The following PRR15 variants were observed in gnomAD, a reference collection of about 807,000 sequenced individuals.
The protein encoded by PRR15 is proline-rich protein 15.
A neutral mutation model predicts 3.0 loss-of-function variants in PRR15; 4 were observed. The ratio of observed to expected loss-of-function variants is 1.34; its 90% confidence interval spans 0.66 to 3.08. The LOEUF (loss-of-function observed/expected upper bound fraction) is 3.08. Ranked by LOEUF, PRR15 falls within the 30% of genes most tolerant of loss-of-function variation. PRR15 has a pLI of 0.01. For synonymous variants in PRR15, 82 were observed against 79.8 expected, an observed-to-expected ratio of 1.03 and a Z score of -0.14; for missense variants, 200 against 179.5, an observed-to-expected ratio of 1.11 and a Z score of -0.65.
intron 1 of PRR15, 79 bp from the exon 2 acceptor site, chr7:29,566,106 A>G: frequency 6.7e-6 from 4 of 593,902 alleles, no homozygotes; most frequent in Non-Finnish European, 5.8e-6. Flanking sequence ...GGTGCCAGAC[A>G]GCATAAGGGA....
chr7:29,566,517 A>G lies in PRR15; in HGVS notation c.188A>G (p.Asn63Ser), dbSNP rs773836181. 1.9e-6 allele frequency: 3 copies of G among 1,604,212 alleles called. No individual in the cohort carries two copies. The highest frequency in any genetic ancestry group is 2.3e-5 in the East Asian group (1 of 44,368). Residue 63 changes from asparagine to serine, a missense_variant, in exon 2 of 2, where the codon AAT becomes AGT. Coordinates refer to ENST00000319694, the MANE Select transcript of PRR15 (RefSeq NM_175887.3). ...AGCTCCCGGGAGAACCAGCACCCCAATCTCCTCGGGGGCGCCGGCGAGCCC... is the reference window on the plus strand; with the variant it reads ...AGCTCCCGGGAGAACCAGCACCCCAGTCTCCTCGGGGGCGCCGGCGAGCCC... Reference protein sequence around the residue: ...TSSSRENQHPNLLGGAGEPPK... With the variant: ...TSSSRENQHPSLLGGAGEPPK...
rs1436464675 is a variant in PRR15, at chr7:29,567,162, G to GT, written c.*444dup. On this transcript the variant is annotated 3_prime_UTR_variant, in exon 2 of 2. Coordinates refer to ENST00000319694, the MANE Select transcript of PRR15 (RefSeq NM_175887.3). The stretch of plus-strand genomic sequence containing the variant: ...CTTTAGGGGTAGACTTATACCTTAA[G>GT]TGAAGGAGTGGGGGAGGAAGAAGCA... 2 of 172,858 alleles carry GT rather than the reference G, an allele frequency of 1.2e-5. No homozygotes were observed. Among genetic ancestry groups the GT allele is most frequent in the Non-Finnish European group, 2.8e-5 (2 of 72,386 alleles). The allele number at this position is 172,858 out of a possible 1,614,324, so 10.7% of individuals were successfully genotyped here.
In PRR15 at chr7:29,566,605, G is replaced by A. The variant is rs759840411; in HGVS notation, c.276G>A (p.Ser92=). The change falls in exon 2 of 2, where the codon TCG becomes TCA. Residue 92 remains serine, a synonymous_variant. Coordinates refer to ENST00000319694, the MANE Select transcript of PRR15 (RefSeq NM_175887.3). The part of the protein sequence containing the change: ...SGSSRRNLKI[S]RSGRFKEKRK... ...GCAGCCGCCGCAATTTGAAGATCTCGCGCTCCGGCCGCTTTAAGGAGAAGA... is the reference window on the plus strand; with the variant it reads ...GCAGCCGCCGCAATTTGAAGATCTCACGCTCCGGCCGCTTTAAGGAGAAGA... 4 of 1,606,498 alleles carry A rather than the reference G, an allele frequency of 2.5e-6. No individual in the cohort carries two copies. In the African/African-American group the frequency reaches 5.4e-5, roughly 22 times the overall value.
At position 29,564,371 on chromosome 7, in the gene PRR15, C is replaced by G. The variant is rs1039233333; in HGVS notation, c.-152C>G. The G allele has an allele frequency of 2.6e-5, 4 of 152,224 alleles. No homozygotes were observed. The highest frequency in any genetic ancestry group is 4.4e-5 in the Non-Finnish European group (3 of 68,116). The allele number at this position is 152,224 out of a possible 1,614,324, so 9.4% of individuals were successfully genotyped here. A position where few individuals can be genotyped will look rare whatever the true frequency, so the allele number is the denominator to read the frequency against. ...CGAGGCCTCCGGGTCCTGTTAAGCC[C>G]GAGCAGGTGAGCGACTGGGGGTGGT... is the stretch of plus-strand genomic sequence containing the variant. On this transcript the variant is annotated 5_prime_UTR_variant, in exon 1 of 2. Transcript: ENST00000319694.
intron 1 of PRR15, among the ~76,000 whole-genome samples, chr7:29,564,772 T>C (rs181650821): frequency 6.6e-6 from 1 of 152,264 alleles, no homozygotes; most frequent in African/African-American, 2.4e-5. Context: ...TGGGTGCCTT[T>C]TGTACCGAAA....
rs1294540663 is a variant in PRR15 at position 29,566,752 on chromosome 7, C to A, written c.*33C>A. ...AGCCTGCGCGCTCCAGGACTGCCTA[C>A]CCAGCACTACCCCAAACCCCCAGTT... On this transcript the variant is annotated 3_prime_UTR_variant, in exon 2 of 2. Transcript: ENST00000319694. 2 of 1,498,970 alleles carry A rather than the reference C, an allele frequency of 1.3e-6. No homozygotes were observed. The highest frequency in any genetic ancestry group is 8.9e-7 in the Non-Finnish European group (1 of 1,119,250). The allele number at this position is 1,498,970 out of a possible 1,614,324, so 92.9% of individuals were successfully genotyped here.
Position 29,566,492 on chromosome 7 carries a change from A to T in PRR15, c.163A>T (p.Ser55Cys), listed in dbSNP as rs1475976502. 1 of 1,599,210 alleles carries T rather than the reference A, an allele frequency of 6.3e-7. No individual in the cohort carries two copies. The highest frequency in any genetic ancestry group is 8.5e-7 in the Non-Finnish European group (1 of 1,173,142). Reference protein sequence around the residue: ...PAPPSPDWTSSSRENQHPNLL... With the variant: ...PAPPSPDWTSCSRENQHPNLL... The stretch of plus-strand genomic sequence containing the variant: ...GCCGCCCAGCCCGGACTGGACCAGC[A>T]GCTCCCGGGAGAACCAGCACCCCAA... Residue 55 changes from serine (S) to cysteine (C), a missense_variant, in exon 2 of 2, where the codon AGC (serine) becomes TGC (cysteine). Transcript: ENST00000319694.
rs1045351974 is a variant in PRR15 at position 29,564,025 on chromosome 7, G to T, written c.-498G>T. 2.6e-5 allele frequency: 4 copies of T among 152,196 alleles called. No homozygotes were observed. Among genetic ancestry groups the T allele is most frequent in the Non-Finnish European group, 5.9e-5 (4 of 68,078 alleles). 9.4% of individuals were successfully genotyped at this position (152,196 alleles called of 1,614,324 possible). ...GGCGGTGCTAGCAGGGAAGAGGGAC[G>T]CGCCGGCGAATGAAACACTACTAGC... On this transcript the variant is annotated 5_prime_UTR_variant, in exon 1 of 2. Transcript: ENST00000319694.
Position 29,566,484 on chromosome 7 carries a change from G to A in PRR15, c.155G>A (p.Trp52Ter), listed in dbSNP as rs967212591. The A allele has an allele frequency of 1.3e-6, 2 of 1,599,476 alleles. No homozygotes were observed. Among genetic ancestry groups the A allele is most frequent in the African/African-American group, 2.7e-5 (2 of 74,430 alleles). ...PTPPAPPSPD[W>*]TSSSRENQHP... ...CCACCTGCGCCGCCCAGCCCGGACT[G>A]GACCAGCAGCTCCCGGGAGAACCAG... Residue 52 changes from tryptophan to a stop codon, truncating the protein, a stop_gained, in exon 2 of 2, where the codon TGG (tryptophan) becomes TAG (stop). Transcript: ENST00000319694. LOFTEE classifies it high-confidence loss of function.
Position 29,566,980 on chromosome 7 carries a change from TA to T in PRR15, c.*262del, listed in dbSNP as rs755218126. 3.6e-4 allele frequency: 107 copies of T among 295,434 alleles called. No individual in the cohort carries two copies. The highest frequency in any genetic ancestry group is 4.3e-4 in the Admixed American group (5 of 11,674). The allele number at this position is 295,434 out of a possible 1,614,324, so 18.3% of individuals were successfully genotyped here. On this transcript the variant is annotated 3_prime_UTR_variant, in exon 2 of 2. Coordinates refer to ENST00000319694, the MANE Select transcript of PRR15 (RefSeq NM_175887.3). Reference sequence around the variant, plus strand: ...CTGCCGCGGAGGAGGGTGGCATAATTATTTTTTTTTCAAAAAGCTATTCTGG... The same window carrying T: ...CTGCCGCGGAGGAGGGTGGCATAATTTTTTTTTTTCAAAAAGCTATTCTGG...
chr7:29,566,779 C>G lies in PRR15; in HGVS notation c.*60C>G. The G allele has an allele frequency of 6.9e-7, 1 of 1,456,394 alleles. No individual in the cohort carries two copies. Among genetic ancestry groups the G allele is most frequent in the Non-Finnish European group, 9.1e-7 (1 of 1,096,648 alleles). The allele number at this position is 1,456,394 out of a possible 1,614,324, so 90.2% of individuals were successfully genotyped here. On this transcript the variant is annotated 3_prime_UTR_variant, in exon 2 of 2. Coordinates refer to ENST00000319694, the MANE Select transcript of PRR15 (RefSeq NM_175887.3). ...CAGCACTACCCCAAACCCCCAGTTC[C>G]AAACCCGAGACTTCAGGCCCGCCCC...
At chr7:29,564,710 T>C (rs1792847269) in intron 1 of PRR15, among the ~76,000 whole-genome samples, 1 of 152,108 alleles carries the variant, frequency 6.6e-6, no homozygotes, top group South Asian at 2.1e-4. Context: ...ATCTGCAAAG[T>C]AGGAGGGAAT....
In PRR15 at chr7:29,566,593, T is replaced by C. The variant is rs1792914873; in HGVS notation, c.264T>C (p.Asn88=). ...ACAAATCCGGCAGCAGCCGCCGCAA[T>C]TTGAAGATCTCGCGCTCCGGCCGCT... ...YGDKSGSSRR[N]LKISRSGRFK... The change falls in exon 2 of 2, where the codon AAT becomes AAC. Residue 88 remains asparagine, a synonymous_variant. Coordinates refer to ENST00000319694, the MANE Select transcript of PRR15 (RefSeq NM_175887.3). 5.0e-6 allele frequency: 8 copies of C among 1,608,402 alleles called. No individual in the cohort carries two copies. The highest frequency in any genetic ancestry group is 5.9e-6 in the Non-Finnish European group (7 of 1,177,878).
rs1457449345 is a variant in PRR15 at position 29,566,190 on chromosome 7, G to A, written c.-140G>A. ...AGTTTTGTTTTCTTCCCCAGCACAG[G>A]CCGCTGCCTCAGCATCCACCCCGCA... On this transcript the variant is annotated 5_prime_UTR_variant, in exon 2 of 2. Coordinates refer to ENST00000319694, the MANE Select transcript of PRR15 (RefSeq NM_175887.3). 3 of 1,031,388 alleles carry A rather than the reference G, an allele frequency of 2.9e-6. No individual in the cohort carries two copies. Among genetic ancestry groups the A allele is most frequent in the Non-Finnish European group, 4.1e-6 (3 of 730,454 alleles). 63.9% of individuals were successfully genotyped at this position (1,031,388 alleles called of 1,614,324 possible).
chr7:29,564,872 T>C (rs896317720), intron 1 of PRR15, among the ~76,000 whole-genome samples: 11 of 152,082 alleles, frequency 7.2e-5, no homozygotes, highest in Non-Finnish European at 1.6e-4. Context: ...GTGTTGCGGT[T>C]TCGGGGCGCA....
Position 29,566,888 on chromosome 7 carries a change from A to T in PRR15, c.*169A>T. 6.0e-6 allele frequency: 4 copies of T among 664,486 alleles called. No individual in the cohort carries two copies. Among genetic ancestry groups the T allele is most frequent in the Non-Finnish European group, 9.8e-6 (4 of 406,300 alleles). 41.2% of individuals were successfully genotyped at this position (664,486 alleles called of 1,614,324 possible). A position where few individuals can be genotyped will look rare whatever the true frequency, so the allele number is the denominator to read the frequency against. On this transcript the variant is annotated 3_prime_UTR_variant, in exon 2 of 2. Transcript: ENST00000319694. The stretch of plus-strand genomic sequence containing the variant: ...TATTTTTCTGGAAATTGAAGTGTCA[A>T]TTGGGTTCTCAATATTTCATGACTC...
In PRR15 at chr7:29,566,769, C is replaced by A. The variant is rs1186683878; in HGVS notation, c.*50C>A. ...ACTGCCTACCCAGCACTACCCCAAA[C>A]CCCCAGTTCCAAACCCGAGACTTCA... On this transcript the variant is annotated 3_prime_UTR_variant, in exon 2 of 2. Coordinates refer to ENST00000319694, the MANE Select transcript of PRR15 (RefSeq NM_175887.3). The A allele has an allele frequency of 1.4e-6, 2 of 1,471,448 alleles. No individual in the cohort carries two copies. The highest frequency in any genetic ancestry group is 4.9e-5 in the Admixed American group (2 of 41,168). The allele number at this position is 1,471,448 out of a possible 1,614,324, so 91.1% of individuals were successfully genotyped here. A position where few individuals can be genotyped will look rare whatever the true frequency, so the allele number is the denominator to read the frequency against.
chr7:29,566,486 A>G lies in PRR15; in HGVS notation c.157A>G (p.Thr53Ala), dbSNP rs1477499897. The G allele has an allele frequency of 6.3e-7, 1 of 1,599,678 alleles. No homozygotes were observed. Among genetic ancestry groups the G allele is most frequent in the South Asian group, 1.1e-5 (1 of 89,544 alleles). Residue 53 changes from threonine to alanine, a missense_variant, in exon 2 of 2, where the codon ACC (threonine) becomes GCC (alanine). By Grantham distance (58) the Thr-to-Ala change is moderately conservative. Transcript: ENST00000319694. Reference sequence around the variant, plus strand: ...ACCTGCGCCGCCCAGCCCGGACTGGACCAGCAGCTCCCGGGAGAACCAGCA... The same window carrying G: ...ACCTGCGCCGCCCAGCCCGGACTGGGCCAGCAGCTCCCGGGAGAACCAGCA... ...TPPAPPSPDW[T>A]SSSRENQHPN...
chr7:29,566,808 A>C lies in PRR15; in HGVS notation c.*89A>C. 3 of 1,282,386 alleles carry C rather than the reference A, an allele frequency of 2.3e-6. No homozygotes were observed. The highest frequency in any genetic ancestry group is 3.2e-6 in the Non-Finnish European group (3 of 949,466). 79.4% of individuals were successfully genotyped at this position (1,282,386 alleles called of 1,614,324 possible). A position where few individuals can be genotyped will look rare whatever the true frequency, so the allele number is the denominator to read the frequency against. On this transcript the variant is annotated 3_prime_UTR_variant, in exon 2 of 2. Transcript: ENST00000319694. ...CCCGAGACTTCAGGCCCGCCCCCTT[A>C]CGCGTTGTCTCATTCCACCAAATTC...
Sources: gnomAD v4.1 joint callset for allele counts (sites outside exome capture counted in the v4.1 genomes callset) on GRCh38, gnomAD v4.1.1 for gene constraint, MANE v1.5 for transcripts, NCBI Gene and HGNC (gene_info 2026-07-23, HGNC 2026-07-21) for gene names.